SGCG: variants seen among roughly 807,000 people sequenced by gnomAD.
The protein encoded by SGCG is gamma-sarcoglycan.
A neutral mutation model predicts 29.3 loss-of-function variants in SGCG; 26 were observed. That is an observed-to-expected ratio of 0.89 (90% confidence interval 0.65 to 1.23). The LOEUF (loss-of-function observed/expected upper bound fraction) is 1.23. SGCG is among the 50% of genes most tolerant of loss of function. The probability of loss-of-function intolerance (pLI) is 0.00; values close to 1 mark genes in which losing one functional copy is unlikely to be tolerated. For synonymous variants in SGCG, 145 were observed against 129.7 expected, an observed-to-expected ratio of 1.12 and a Z score of -0.80; for missense variants, 353 against 356.0, an observed-to-expected ratio of 0.99 and a Z score of 0.07.
chr13:23,298,376 T>A (rs914542343), intron 6 of SGCG, among the ~76,000 whole-genome samples: 1 of 151,938 alleles, frequency 6.6e-6, no homozygotes, highest in African/African-American at 2.4e-5. Flanking sequence ...GAAAAAAAAA[T>A]TGTTATTATA....
At chr13:23,309,497 A>G (rs1405412764) in intron 6 of SGCG, among the ~76,000 whole-genome samples, 1 of 152,168 alleles carries the variant, frequency 6.6e-6, no homozygotes, top group Non-Finnish European at 1.5e-5. Context: ...TTATTATTAT[A>G]CTTCTTACTT....
chr13:23,189,690 CA>C (rs1322351976), intron 1 of SGCG, among the ~76,000 whole-genome samples: 1 of 152,152 alleles, frequency 6.6e-6, no homozygotes, highest in African/African-American at 2.4e-5. Flanking sequence ...AGAAAACTAT[CA>C]CCTTGCTTTC....
chr13:23,288,808 T>C (rs144315792), intron 5 of SGCG, among the ~76,000 whole-genome samples: 3 of 152,362 alleles, frequency 2.0e-5, no homozygotes, highest in African/African-American at 7.2e-5. Flanking sequence ...GCCCTAAGTG[T>C]ATTTTAGCTC....
intron 5 of SGCG, among the ~76,000 whole-genome samples, chr13:23,281,061 A>C (rs1220871216): frequency 1.3e-5 from 2 of 152,140 alleles, no homozygotes; most frequent in African/African-American, 2.4e-5. Flanking sequence ...GGGGCCAGGC[A>C]GAGTGGTTCA....
chr13:23,183,604 T>G (rs1288059946), intron 1 of SGCG, among the ~76,000 whole-genome samples: 1 of 152,206 alleles, frequency 6.6e-6, no homozygotes, highest in Non-Finnish European at 1.5e-5. Context: ...ACCTTTCCCA[T>G]GAAAATCTTC....
At chr13:23,307,202 TAA>T (rs1882392822) in intron 6 of SGCG, among the ~76,000 whole-genome samples, 1 of 152,148 alleles carries the variant, frequency 6.6e-6, no homozygotes, top group Admixed American at 6.5e-5. Context: ...CTGCAGTAAT[TAA>T]AAGTCTGAGA....
chr13:23,187,239 C>A (rs908723173), intron 1 of SGCG, among the ~76,000 whole-genome samples: 19 of 152,174 alleles, frequency 1.2e-4, no homozygotes, highest in African/African-American at 4.3e-4. Context: ...GCCCCTTCTA[C>A]AGTGGACGGC....
At chr13:23,223,581 A>G (rs1878770518) in intron 2 of SGCG, among the ~76,000 whole-genome samples, 1 of 152,196 alleles carries the variant, frequency 6.6e-6, no homozygotes, top group Admixed American at 6.5e-5. Context: ...CACGTTTCAG[A>G]TAATAGGAAA....
chr13:23,218,693 A>T (rs1878526779), intron 2 of SGCG, among the ~76,000 whole-genome samples: 1 of 152,002 alleles, frequency 6.6e-6, no homozygotes. Flanking sequence ...TGGACATGCC[A>T]TACTTACTTG....
At chr13:23,299,917 G>A (rs1490507553) in intron 6 of SGCG, among the ~76,000 whole-genome samples, 1 of 152,158 alleles carries the variant, frequency 6.6e-6, no homozygotes, top group East Asian at 1.9e-4. Context: ...AGGCATGGTC[G>A]TTGACCTCAA....
intron 4 of SGCG, among the ~76,000 whole-genome samples, chr13:23,269,924 G>C (rs1266821456): frequency 6.8e-6 from 1 of 148,012 alleles, no homozygotes; most frequent in African/African-American, 2.5e-5. Flanking sequence ...GCCCAGGCTG[G>C]AGTGCAGTGG....
chr13:23,290,370 G>A (rs990760249), intron 5 of SGCG, among the ~76,000 whole-genome samples: 2 of 152,162 alleles, frequency 1.3e-5, no homozygotes, highest in Non-Finnish European at 2.9e-5. Flanking sequence ...CCAAGTAAAG[G>A]CAGAGCAGCC....
chr13:23,255,676 T>A (rs1285038898), intron 4 of SGCG, among the ~76,000 whole-genome samples: 2 of 152,178 alleles, frequency 1.3e-5, no homozygotes, highest in Admixed American at 1.3e-4. Context: ...TGAGTAAGTT[T>A]TCACTCAGTT....
rs181349531 is a variant in SGCG at position 23,232,642 on chromosome 13, C to T, written c.196-1969C>T. Among the ~76,000 whole-genome samples the T allele has an allele frequency of 3.4e-3, 515 of 152,056 alleles. 3 individuals are homozygous for T. Among genetic ancestry groups the T allele is most frequent in the African/African-American group, 0.012 (480 of 41,480 alleles). Reference sequence around the variant, plus strand: ...TTAAAAATACAAAAAATTAGCCAGGCGTGGTGGCAGGCACCTGTAGTCCCA... The same window carrying T: ...TTAAAAATACAAAAAATTAGCCAGGTGTGGTGGCAGGCACCTGTAGTCCCA... On this transcript the variant is annotated intron_variant, in intron 2 of 7. Transcript: ENST00000218867.
At position 23,224,820 on chromosome 13, in the gene SGCG, A is replaced by G. The variant is rs1037028854; in HGVS notation, c.196-9791A>G. 1.1e-4 allele frequency among the ~76,000 whole-genome samples: 16 copies of G among 152,130 alleles called. 1 individual carries two copies. Among genetic ancestry groups the G allele is most frequent in the African/African-American group, 3.9e-4 (16 of 41,422 alleles). On this transcript the variant is annotated intron_variant, in intron 2 of 7. Coordinates refer to ENST00000218867, the MANE Select transcript of SGCG (RefSeq NM_000231.3). ...ATAGAATTACCTGGAAGCTTCATAA[A>G]TTCCCAATGCCCAGATCATACAATA...
chr13:23,250,585 T>C (rs985947714), intron 3 of SGCG, 45 bp from the exon 4 acceptor site: 4 of 917,422 alleles, frequency 4.4e-6, no homozygotes, highest in Non-Finnish European at 7.2e-6. Flanking sequence ...GATATAATCA[T>C]TTTAAACAGC....
chr13:23,289,335 GGTT>G (rs1176356759), intron 5 of SGCG, among the ~76,000 whole-genome samples: 2 of 152,192 alleles, frequency 1.3e-5, no homozygotes, highest in African/African-American at 4.8e-5. Context: ...GGTAACTCCA[GGTT>G]GTTGATTAAT....
intron 2 of SGCG, among the ~76,000 whole-genome samples, chr13:23,227,964 A>C (rs1006373528): frequency 1.3e-5 from 2 of 151,958 alleles, no homozygotes; most frequent in Non-Finnish European, 2.9e-5. Flanking sequence ...GCACCCACCA[A>C]CACACCCAAC....
intron 6 of SGCG, among the ~76,000 whole-genome samples, chr13:23,320,242 A>G (rs1459765944): frequency 6.6e-6 from 1 of 152,208 alleles, no homozygotes; most frequent in Non-Finnish European, 1.5e-5. Context: ...TGCCACGATC[A>G]CAACTGTGAA....
Sources: gnomAD v4.1 joint callset for allele counts (sites outside exome capture counted in the v4.1 genomes callset) on GRCh38, gnomAD v4.1.1 for gene constraint, MANE v1.5 for transcripts, NCBI Gene and HGNC (gene_info 2026-07-23, HGNC 2026-07-21) for gene names.